Variants in SAMSN1 observed in about 807,000 individuals in gnomAD.
SAMSN1 encodes SAM domain, SH3 domain and nuclear localization signals 1, also known as SAM domain-containing protein SAMSN-1.
In SAMSN1, 31 loss-of-function variants were observed where a neutral mutation model predicts 42.0. That is an observed-to-expected ratio of 0.74 (90% CI 0.55 to 1.00). The LOEUF is 1.00. SAMSN1 is among the 50% of genes least tolerant of loss of function. The pLI, the probability that SAMSN1 is intolerant of heterozygous loss-of-function variation, is 0.00. For synonymous variants in SAMSN1, 178 were observed against 151.9 expected, an observed-to-expected ratio of 1.17 and a Z score of -1.26; for missense variants, 464 against 439.4, an observed-to-expected ratio of 1.06 and a Z score of -0.50.
At chr21:14,597,759 G>A (rs1019434755) in intron 6 of SAMSN1, among the ~76,000 whole-genome samples, 1 of 152,126 alleles carries the variant, frequency 6.6e-6, no homozygotes, top group African/African-American at 2.4e-5. Flanking sequence ...AGTGAATCAG[G>A]CTCTATGCAT....
intron 1 of SAMSN1, among the ~76,000 whole-genome samples, chr21:14,526,949 C>T (rs1408141517): frequency 6.6e-6 from 1 of 152,180 alleles, no homozygotes; most frequent in Admixed American, 6.5e-5. Context: ...CTTTGGGAGT[C>T]TTCAGATGAA....
chr21:14,498,156 G>T (rs1364545579), intron 7 of SAMSN1, among the ~76,000 whole-genome samples: 1 of 152,176 alleles, frequency 6.6e-6, no homozygotes, highest in East Asian at 1.9e-4. Context: ...CAGTCTTTGG[G>T]AATGCAGGCA....
chr21:14,629,028 C>G (rs949071167), intron 2 of SAMSN1, among the ~76,000 whole-genome samples: 2 of 152,244 alleles, frequency 1.3e-5, no homozygotes, highest in South Asian at 4.1e-4. Flanking sequence ...GTGGTGTCTT[C>G]ACTACTACCT....
At chr21:14,609,620 G>A in intron 4 of SAMSN1, 4 of 716,398 alleles carry the variant, frequency 5.6e-6, no homozygotes. Flanking sequence ...CATTTGTCCA[G>A]TAAGTATAAG....
intron 6 of SAMSN1, among the ~76,000 whole-genome samples, chr21:14,599,308 C>A (rs1394644062): frequency 6.6e-6 from 1 of 152,118 alleles, no homozygotes; most frequent in Non-Finnish European, 1.5e-5. Context: ...TAATGAGTGA[C>A]TCTCATGAGA....
chr21:14,569,131 A>G (rs114407052), intron 2 of SAMSN1, among the ~76,000 whole-genome samples: 1 of 103,498 alleles, frequency 9.7e-6, no homozygotes, highest in Admixed American at 8.1e-5. Context: ...TTTCTATTTA[A>G]AAAAAAAAAT....
intron 4 of SAMSN1, among the ~76,000 whole-genome samples, chr21:14,511,647 T>C (rs1987692190): frequency 1.3e-5 from 2 of 152,106 alleles, no homozygotes; most frequent in Admixed American, 1.3e-4. Flanking sequence ...TGCAAAAACA[T>C]TTAAAAACCC....
chr21:14,499,208 T>A (rs1049665831), intron 6 of SAMSN1, among the ~76,000 whole-genome samples: 1 of 152,182 alleles, frequency 6.6e-6, no homozygotes, highest in African/African-American at 2.4e-5. Flanking sequence ...GGGGAAAGAA[T>A]TGTTTTCTCA....
At chr21:14,510,524 G>A in intron 4 of SAMSN1, 63 bp from the exon 5 acceptor site, 1 of 1,568,072 alleles carries the variant, frequency 6.4e-7, no homozygotes, top group Non-Finnish European at 8.8e-7. Context: ...TCATCATCTG[G>A]ACACAACTAA....
intron 2 of SAMSN1, among the ~76,000 whole-genome samples, chr21:14,622,823 T>C (rs1027376430): frequency 3.3e-5 from 5 of 152,064 alleles, no homozygotes; most frequent in Non-Finnish European, 7.4e-5. Flanking sequence ...AATTGTCAGA[T>C]TCACCAAAGT....
intron 1 of SAMSN1, chr21:14,643,140 T>C: frequency 2.8e-6 from 2 of 716,128 alleles, no homozygotes; most frequent in Non-Finnish European, 5.2e-6. Flanking sequence ...CCTCCTGCAA[T>C]ACAGAGATTT....
chr21:14,597,268 G>A lies in SAMSN1; in HGVS notation c.400-3190C>T, dbSNP rs200007807. Reference sequence around the variant, plus strand: ...TAAATTATTTCTCCAGTGACCCAGCGTTGTGACCTCAGTTAAGCTCATGAA... The same window carrying A: ...TAAATTATTTCTCCAGTGACCCAGCATTGTGACCTCAGTTAAGCTCATGAA... On this transcript the variant is annotated intron_variant, in intron 6 of 15. Coordinates refer to the SAMSN1 transcript ENST00000647101. Among the ~76,000 whole-genome samples the A allele has an allele frequency of 1.6e-4, 25 of 152,126 alleles. No individual in the cohort carries two copies. In the East Asian group the frequency reaches 1.9e-3, roughly 12 times the overall value.
chr21:14,638,383 A>G (rs1046457952), intron 2 of SAMSN1, among the ~76,000 whole-genome samples: 4 of 152,132 alleles, frequency 2.6e-5, no homozygotes, highest in African/African-American at 7.2e-5. Context: ...CTGCATTTGG[A>G]CTAGTCACTT....
chr21:14,524,945 T>C, intron 1 of SAMSN1, among the ~76,000 whole-genome samples: 1 of 152,308 alleles, frequency 6.6e-6, no homozygotes, highest in East Asian at 1.9e-4. Context: ...GGAAATGTTA[T>C]AATTATATTC....
intron 2 of SAMSN1, among the ~76,000 whole-genome samples, chr21:14,632,835 G>A (rs950719116): frequency 6.6e-6 from 1 of 152,148 alleles, no homozygotes; most frequent in African/African-American, 2.4e-5. Context: ...TTTCCTGAAG[G>A]CTGTTGGGCT....
At chr21:14,524,356 G>A (rs1374672720) in intron 1 of SAMSN1, among the ~76,000 whole-genome samples, 1 of 146,392 alleles carries the variant, frequency 6.8e-6, no homozygotes, top group African/African-American at 2.4e-5. Context: ...TCAAGACAGA[G>A]TTATTATATA....
chr21:14,582,420 C>T (rs1981768615), exon 2 of SAMSN1: 1 of 1,546,672 alleles, frequency 6.5e-7, no homozygotes, highest in African/African-American at 1.4e-5. Flanking sequence ...CTCGTGCTAA[C>T]ACTATTCACT....
intron 2 of SAMSN1, among the ~76,000 whole-genome samples, chr21:14,618,331 C>G (rs1489451627): frequency 6.6e-6 from 1 of 152,146 alleles, no homozygotes; most frequent in African/African-American, 2.4e-5. Context: ...GAGAGTCAGG[C>G]ACATTAAATG....
rs143191486 is a variant in SAMSN1, at chr21:14,609,509, G to T, written c.295C>A (p.His99Asn). ...TTTAGCTGACAGGGCCTTCTGATGT[G>T]GGAATCATTCTTATGCTTGCTGTGT... The change falls in exon 5 of 16, where the codon CAC (histidine) becomes AAC (asparagine). Residue 99 changes from histidine (H) to asparagine (N), a missense_variant. Transcript: ENST00000647101. The T allele has an allele frequency of 6.7e-4, 479 of 717,958 alleles. 3 individuals carry two copies. Among genetic ancestry groups the T allele is most frequent in the African/African-American group, 6.3e-3 (361 of 57,364 alleles). The allele number at this position is 717,958 out of a possible 1,614,324, so 44.5% of individuals were successfully genotyped here.
Sources: allele counts gnomAD v4.1 joint callset (sites outside exome capture counted in the v4.1 genomes callset), GRCh38; gene constraint gnomAD v4.1.1; transcripts MANE v1.5; gene names NCBI Gene and HGNC (gene_info 2026-07-23, HGNC 2026-07-21).